Variants in SMPD3 observed in about 807,000 individuals in gnomAD.
SMPD3 encodes the protein nSMase-2.
SMPD3 carries 21 observed loss-of-function variants against 55.7 expected under a neutral mutation model. The ratio of observed to expected loss-of-function variants is 0.38; its 90% CI spans 0.27 to 0.54. The LOEUF is 0.54. Among genes scored for constraint, SMPD3 ranks in the 20% least tolerant of loss-of-function variants. SMPD3 has a pLI of 0.80. For missense variants in SMPD3, 842 were observed against 899.6 expected (o/e 0.94, Z 0.82); for synonymous variants, 457 against 404.3 (o/e 1.13, Z -1.56).
chr16:68,361,529 G>A (rs2089266028), intron 8 of SMPD3, 74 bp downstream of exon 8: 5 of 1,568,186 alleles, frequency 3.2e-6, no homozygotes, highest in South Asian at 2.3e-5. Flanking sequence ...TCAGGGAGCG[G>A]CTGTCGAGAG....
chr16:68,437,153 T>C (rs1053669644), intron 1 of SMPD3, among the ~76,000 whole-genome samples: 1 of 152,232 alleles, frequency 6.6e-6, no homozygotes, highest in African/African-American at 2.4e-5. Context: ...TTCACTTCCA[T>C]CTCTCCAGTG....
intron 1 of SMPD3, among the ~76,000 whole-genome samples, chr16:68,393,500 C>A (rs907348969): frequency 1.3e-5 from 2 of 152,168 alleles, no homozygotes; most frequent in South Asian, 4.1e-4. Context: ...TGCTCACTGG[C>A]AGTGGGGGTG....
intron 1 of SMPD3, 40 bp from the exon 2 acceptor site, chr16:68,386,699 A>G (rs1201941007): frequency 6.6e-6 from 1 of 152,286 alleles, no homozygotes; most frequent in Non-Finnish European, 1.5e-5. Context: ...GCCCGGAACA[A>G]TCTCCAGAGC....
Position 68,370,930 on chromosome 16 carries a change from C to T in SMPD3, c.1252G>A (p.Val418Met), listed in dbSNP as rs971017913. The change falls in exon 3 of 9, where the codon GTG becomes ATG. Residue 418 changes from valine to methionine, a missense_variant. Coordinates refer to ENST00000219334, the MANE Select transcript of SMPD3 (RefSeq NM_018667.4). ...LFASRYPIMD[V>M]AYHCYPNKCN... ...TTGTTGGGGTAACAGTGATAGGCCA[C>T]GTCCATGATGGGGTAGCGGCTGGCA... 4 of 1,614,178 alleles carry T rather than the reference C, an allele frequency of 2.5e-6. No individual in the cohort carries two copies. The highest frequency in any genetic ancestry group is 1.7e-5 in the Admixed American group (1 of 60,018).
At chr16:68,396,299 C>T (rs755346898) in intron 1 of SMPD3, among the ~76,000 whole-genome samples, 3 of 152,134 alleles carry the variant, frequency 2.0e-5, no homozygotes, top group Non-Finnish European at 2.9e-5. Context: ...CCCCCAGGAT[C>T]GATCCTTCTA....
chr16:68,437,846 T>G (rs2090535729), intron 1 of SMPD3, among the ~76,000 whole-genome samples: 1 of 152,178 alleles, frequency 6.6e-6, no homozygotes. Flanking sequence ...AAAAGACATT[T>G]TCCTTCTAAC....
intron 1 of SMPD3, among the ~76,000 whole-genome samples, chr16:68,412,070 G>A (rs542256713): frequency 2.0e-5 from 3 of 152,184 alleles, no homozygotes; most frequent in East Asian, 1.9e-4. Context: ...TGCAGTGCAC[G>A]GGGCCAGGGA....
At chr16:68,400,213 C>T (rs1404215716) in intron 1 of SMPD3, among the ~76,000 whole-genome samples, 1 of 152,146 alleles carries the variant, frequency 6.6e-6, no homozygotes, top group African/African-American at 2.4e-5. Context: ...AAATACGTGT[C>T]GGGGGTGATG....
chr16:68,421,300 G>A (rs558139425), intron 1 of SMPD3, among the ~76,000 whole-genome samples: 36 of 152,298 alleles, frequency 2.4e-4, no homozygotes, highest in South Asian at 6.2e-4. Context: ...TGCTTTCTGT[G>A]GCTCTGTCTG....
chr16:68,447,193 C>G lies in SMPD3; in HGVS notation c.-269+1160G>C, dbSNP rs2090616878. Among the ~76,000 whole-genome samples the G allele has an allele frequency of 1.3e-5, 2 of 152,090 alleles. No homozygotes were observed. Among genetic ancestry groups the G allele is most frequent in the African/African-American group, 2.4e-5 (1 of 41,432 alleles). On this transcript the variant is annotated intron_variant, in intron 1 of 8. Coordinates refer to ENST00000219334, the MANE Select transcript of SMPD3 (RefSeq NM_018667.4). This position sits in a 1 kb window ranked among gnomAD's most constrained non-coding sequence, Gnocchi z 5.1. ...CTGGGCCGAGCGCGAAAGCCCCATG[C>G]CTTGGAACAGCCACCGCGCGTCCTG...
chr16:68,375,583 C>T (rs971302748), intron 2 of SMPD3, among the ~76,000 whole-genome samples: 1 of 152,172 alleles, frequency 6.6e-6, no homozygotes, highest in African/African-American at 2.4e-5. Flanking sequence ...GGGCTGGGAT[C>T]TGCTATTGGC....
intron 1 of SMPD3, among the ~76,000 whole-genome samples, chr16:68,444,268 T>C (rs1489145491): frequency 6.6e-6 from 1 of 152,136 alleles, no homozygotes; most frequent in Non-Finnish European, 1.5e-5. Flanking sequence ...ACAGCTCTCC[T>C]CCACAGTGAT....
rs1378576302 is a variant in SMPD3, at chr16:68,372,354, C to T, written c.-173G>A. ...ATGTTGGCCAGCCGGTCATGGTTCA[C>T]CTCGGTGGGCCATGCGGAGGCCTAC... On this transcript the variant is annotated 5_prime_UTR_variant, in exon 3 of 9. It adds an upstream start codon to the 5' untranslated region. Transcript: ENST00000219334. 6.1e-6 allele frequency: 5 copies of T among 819,864 alleles called. No homozygotes were observed. In the African/African-American group the frequency reaches 6.9e-5, roughly 11 times the overall value. The allele number at this position is 819,864 out of a possible 1,614,324, so 50.8% of individuals were successfully genotyped here. A position where few individuals can be genotyped will look rare whatever the true frequency, so the allele number is the denominator to read the frequency against.
At chr16:68,428,666 G>T (rs547258785) in intron 1 of SMPD3, among the ~76,000 whole-genome samples, 2 of 152,186 alleles carry the variant, frequency 1.3e-5, no homozygotes, top group East Asian at 3.8e-4. Flanking sequence ...TATTTTCCAT[G>T]TCTGATAAAG....
At chr16:68,372,580 T>C (rs1333421031) in intron 2 of SMPD3, among the ~76,000 whole-genome samples, 193 bp from the exon 3 acceptor site, 1 of 152,256 alleles carries the variant, frequency 6.6e-6, no homozygotes, top group Admixed American at 6.5e-5. Context: ...CCTCCATGTA[T>C]GCTGTTCTCT....
At chr16:68,364,038 C>T (rs1402366756) in intron 5 of SMPD3, among the ~76,000 whole-genome samples, 172 bp from the exon 6 acceptor site, 4 of 152,064 alleles carry the variant, frequency 2.6e-5, no homozygotes, top group Non-Finnish European at 5.9e-5. Context: ...CTTCATTTGT[C>T]GCTGCTTTTC....
chr16:68,360,451 TCTGTTGTGC>T lies in SMPD3; in HGVS notation c.*746_*754del, dbSNP rs926350112. The T allele has an allele frequency of 6.6e-6, 1 of 152,346 alleles. No homozygotes were observed. The highest frequency in any genetic ancestry group is 2.4e-5 in the African/African-American group (1 of 41,432). 9.4% of individuals were successfully genotyped at this position (152,346 alleles called of 1,614,324 possible). On this transcript the variant is annotated 3_prime_UTR_variant, in exon 9 of 9. Coordinates refer to ENST00000219334, the MANE Select transcript of SMPD3 (RefSeq NM_018667.4). ...CCCAGGGTGCCAGAGCCTGCCAGAC[TCTGTTGTGC>T]CTGAGCTGGGGAAGGGACCCTGTCT...
rs1189265190 is a variant in SMPD3 at position 68,447,812 on chromosome 16, AG to A, written c.-269+540del. Among the ~76,000 whole-genome samples, 1 of 150,370 alleles carries A rather than the reference AG, an allele frequency of 6.7e-6. No individual in the cohort carries two copies. The highest frequency in any genetic ancestry group is 2.5e-5 in the African/African-American group (1 of 40,646). On this transcript the variant is annotated intron_variant, in intron 1 of 8. Transcript: ENST00000219334. This position sits in a 1 kb window ranked among gnomAD's most constrained non-coding sequence, Gnocchi z 5.1. Reference sequence around the variant, plus strand: ...GCCAAGGGAGGAGGGGGGAATAGGGAGGGGGGCGAGTGTGGAGGAAGGGGCC... The same window carrying A: ...GCCAAGGGAGGAGGGGGGAATAGGGAGGGGGCGAGTGTGGAGGAAGGGGCC...
At chr16:68,381,776 A>G (rs1201186604) in intron 2 of SMPD3, among the ~76,000 whole-genome samples, 1 of 152,024 alleles carries the variant, frequency 6.6e-6, no homozygotes, top group Non-Finnish European at 1.5e-5. Flanking sequence ...GATTATAACC[A>G]CCGCATGACC....
Sources: gnomAD v4.1 joint callset for allele counts (sites outside exome capture counted in the v4.1 genomes callset) on GRCh38, gnomAD v4.1.1 for gene constraint, Gnocchi (gnomAD v3.1) non-coding constraint, MANE v1.5 for transcripts, NCBI Gene and HGNC (gene_info 2026-07-23, HGNC 2026-07-21) for gene names.